RAMP3: variants seen among roughly 807,000 people sequenced by gnomAD.
RAMP3 encodes the protein receptor activity-modifying protein 3.
A neutral mutation model predicts 13.5 loss-of-function variants in RAMP3; 14 were observed. The ratio of observed to expected loss-of-function variants is 1.04; its 90% CI spans 0.69 to 1.63. The LOEUF (loss-of-function observed/expected upper bound fraction) is 1.63. Among genes scored for constraint, RAMP3 ranks in the 40% most tolerant of loss-of-function variants. RAMP3 has a pLI of 0.00. For missense variants in RAMP3, 200 were observed against 204.8 expected (o/e 0.98, Z 0.14); for synonymous variants, 106 against 88.3 (o/e 1.20, Z -1.12).
intron 1 of RAMP3, among the ~76,000 whole-genome samples, chr7:45,168,602 T>G (rs1313988945): frequency 6.6e-6 from 1 of 152,156 alleles, no homozygotes; most frequent in Non-Finnish European, 1.5e-5. Context: ...TTTTTTTGTG[T>G]TAATTTTGTA....
At chr7:45,161,990 G>C (rs1187120951) in intron 1 of RAMP3, among the ~76,000 whole-genome samples, 4 of 152,196 alleles carry the variant, frequency 2.6e-5, no homozygotes, top group African/African-American at 9.6e-5. Flanking sequence ...GCTGGATGTG[G>C]AGAGCAGCTA....
chr7:45,182,672 C>T (rs1003778195), intron 2 of RAMP3, among the ~76,000 whole-genome samples: 6 of 152,190 alleles, frequency 3.9e-5, no homozygotes, highest in African/African-American at 1.4e-4. Context: ...TCCCACTTGG[C>T]CACCACCTGG....
chr7:45,176,414 A>C (rs1208413995), intron 1 of RAMP3, among the ~76,000 whole-genome samples: 1 of 149,404 alleles, frequency 6.7e-6, no homozygotes. Context: ...ACACACACAC[A>C]CCAAGACACA....
At chr7:45,177,900 G>A (rs1786226061) in intron 2 of RAMP3, among the ~76,000 whole-genome samples, 1 of 152,238 alleles carries the variant, frequency 6.6e-6, no homozygotes, top group South Asian at 2.1e-4. Flanking sequence ...CCTGCCCTGG[G>A]AGTGTCCAGT....
intron 2 of RAMP3, among the ~76,000 whole-genome samples, chr7:45,182,799 G>A (rs555767072): frequency 6.6e-6 from 1 of 152,290 alleles, no homozygotes; most frequent in Non-Finnish European, 1.5e-5. Context: ...CCAAGCGGCT[G>A]TGATCCAGGC....
At chr7:45,170,998 TA>T (rs1285701550) in intron 1 of RAMP3, among the ~76,000 whole-genome samples, 3 of 152,106 alleles carry the variant, frequency 2.0e-5, no homozygotes, top group African/African-American at 7.2e-5. Context: ...TGCATCTCTC[TA>T]AGTTTTGGTA....
At chr7:45,163,440 G>A (rs1477661994) in intron 1 of RAMP3, 1 of 985,284 alleles carries the variant, frequency 1.0e-6, no homozygotes, top group South Asian at 4.7e-5. Context: ...ATACACAGAA[G>A]TGGGAGCTGC....
Position 45,183,629 on chromosome 7 carries a change from T to C in RAMP3, c.*217T>C. 1 of 649,702 alleles carries C rather than the reference T, an allele frequency of 1.5e-6. No homozygotes were observed. The highest frequency in any genetic ancestry group is 1.9e-5 in the South Asian group (1 of 51,758). 40.2% of individuals were successfully genotyped at this position (649,702 alleles called of 1,614,324 possible). ...ATCCGCCCAAGCTCTTTGCTCATTCTAGGGCCAGTGGAGGAAAATGTGATA... is the reference window on the plus strand; with the variant it reads ...ATCCGCCCAAGCTCTTTGCTCATTCCAGGGCCAGTGGAGGAAAATGTGATA... On this transcript the variant is annotated 3_prime_UTR_variant, in exon 3 of 3. Coordinates refer to ENST00000242249, the MANE Select transcript of RAMP3 (RefSeq NM_005856.3).
chr7:45,174,357 C>T (rs1786138590), intron 1 of RAMP3, among the ~76,000 whole-genome samples: 1 of 152,180 alleles, frequency 6.6e-6, no homozygotes, highest in African/African-American at 2.4e-5. Context: ...CTCCCATGGC[C>T]TCAGCAAGCC....
chr7:45,174,842 A>G (rs560310929), intron 1 of RAMP3, among the ~76,000 whole-genome samples: 1 of 152,276 alleles, frequency 6.6e-6, no homozygotes, highest in African/African-American at 2.4e-5. Flanking sequence ...GAAGACAGGA[A>G]CCAGACCCTC....
In RAMP3 at chr7:45,165,991, T is replaced by C. The variant is rs1785952962; in HGVS notation, c.58+8105T>C. ...TGAATAATGCTGTTATGAATCTTCA[T>C]GTAAAAATCTGTGTGTGAACATGTG... On this transcript the variant is annotated intron_variant, in intron 1 of 2. Coordinates refer to ENST00000242249, the MANE Select transcript of RAMP3 (RefSeq NM_005856.3). Among the ~76,000 whole-genome samples the C allele has an allele frequency of 1.3e-5, 2 of 152,246 alleles. 1 individual carries two copies. The highest frequency in any genetic ancestry group is 4.1e-4 in the South Asian group (2 of 4,834).
chr7:45,167,888 C>A lies in RAMP3; in HGVS notation c.59-9421C>A, dbSNP rs573173077. 2.6e-5 allele frequency among the ~76,000 whole-genome samples: 4 copies of A among 152,138 alleles called. No individual in the cohort carries two copies. The South Asian group carries it at 6.2e-4, about 24-fold the overall frequency. On this transcript the variant is annotated intron_variant, in intron 1 of 2. Transcript: ENST00000242249. ...AGCGTGAGCCACCTCGCCTGGCCAA[C>A]TTTGTTCTTTTTCATGATTGTTTTG...
intron 2 of RAMP3, among the ~76,000 whole-genome samples, chr7:45,182,431 A>T (rs1287270347): frequency 6.7e-6 from 1 of 150,276 alleles, no homozygotes; most frequent in Non-Finnish European, 1.5e-5. Flanking sequence ...TGCTGAGTTG[A>T]CCTCTGGGTC....
chr7:45,173,090 G>C (rs111595988), intron 1 of RAMP3, among the ~76,000 whole-genome samples: 2 of 152,206 alleles, frequency 1.3e-5, no homozygotes. Flanking sequence ...CAGTTTTCCA[G>C]GCTGGGAAGA....
chr7:45,163,812 G>C (rs1008644061), intron 1 of RAMP3: 1 of 985,410 alleles, frequency 1.0e-6, no homozygotes, highest in Non-Finnish European at 1.2e-6. Flanking sequence ...GGGGCATCTG[G>C]AGGGTGGCAC....
In RAMP3 at chr7:45,183,473, G is replaced by A. The variant is rs1786362539; in HGVS notation, c.*61G>A. ...AGCTGGAAGAAAGTTCCCTGGGGAT[G>A]GGAGAGCGGGTGGGTGCTGCCAATC... On this transcript the variant is annotated 3_prime_UTR_variant, in exon 3 of 3. Transcript: ENST00000242249. 3 of 1,588,944 alleles carry A rather than the reference G, an allele frequency of 1.9e-6. No individual in the cohort carries two copies. Among genetic ancestry groups the A allele is most frequent in the East Asian group, 2.2e-5 (1 of 44,638 alleles).
chr7:45,163,133 C>A (rs1785895631), intron 1 of RAMP3: 1 of 982,904 alleles, frequency 1.0e-6, no homozygotes, highest in African/African-American at 1.8e-5. Flanking sequence ...GGTTTCACAC[C>A]CCAGAGGCTC....
At chr7:45,170,370 G>T (rs1304079887) in intron 1 of RAMP3, among the ~76,000 whole-genome samples, 1 of 151,848 alleles carries the variant, frequency 6.6e-6, no homozygotes, top group Non-Finnish European at 1.5e-5. Context: ...ACGGAGTCTT[G>T]CTCTGTCACC....
chr7:45,176,565 G>A (rs1786191030), intron 1 of RAMP3, among the ~76,000 whole-genome samples: 1 of 152,138 alleles, frequency 6.6e-6, no homozygotes, highest in South Asian at 2.1e-4. Flanking sequence ...GTCTGGAAAT[G>A]GGATGACCGT....
Sources: gnomAD v4.1 joint callset for allele counts (sites outside exome capture counted in the v4.1 genomes callset) on GRCh38, gnomAD v4.1.1 for gene constraint, MANE v1.5 for transcripts, NCBI Gene and HGNC (gene_info 2026-07-23, HGNC 2026-07-21) for gene names.